The following NFAM1 variants were observed in gnomAD, a reference collection of about 807,000 sequenced individuals.
The protein encoded by NFAM1 is NFAT activating protein with ITAM motif 1.
In NFAM1, 17 loss-of-function variants were observed where a neutral mutation model predicts 29.0. The observed-to-expected ratio is 0.59, with a 90% CI of 0.40 to 0.88. NFAM1 has a LOEUF of 0.88. Among genes scored for constraint, NFAM1 ranks in the 40% least tolerant of loss-of-function variants. NFAM1 has a pLI of 0.00. For missense variants in NFAM1, 324 were observed against 344.6 expected, an observed-to-expected ratio of 0.94 and a Z score of 0.47; for synonymous variants, 175 against 147.2, an observed-to-expected ratio of 1.19 and a Z score of -1.36.
chr22:42,432,390 G>C lies in NFAM1; in HGVS notation c.-33C>G. On this transcript the variant is annotated 5_prime_UTR_variant, in exon 1 of 6. Coordinates refer to ENST00000329021, the MANE Select transcript of NFAM1 (RefSeq NM_145912.8). Reference sequence around the variant, plus strand: ...CCTGCTTGTCTGCGGCGACTCTTTAGTTCACAGGAGGGGACGGCCGGCGCT... The same window carrying C: ...CCTGCTTGTCTGCGGCGACTCTTTACTTCACAGGAGGGGACGGCCGGCGCT... 1 of 1,522,996 alleles carries C rather than the reference G, an allele frequency of 6.6e-7. No homozygotes were observed. Among genetic ancestry groups the C allele is most frequent in the Non-Finnish European group, 8.8e-7 (1 of 1,137,996 alleles). The allele number at this position is 1,522,996 out of a possible 1,614,324, so 94.3% of individuals were successfully genotyped here. A position where few individuals can be genotyped will look rare whatever the true frequency, so the allele number is the denominator to read the frequency against.
At chr22:42,420,004 T>TG (rs1569234737) in intron 1 of NFAM1, among the ~76,000 whole-genome samples, 9 of 132,520 alleles carry the variant, frequency 6.8e-5, no homozygotes, top group Non-Finnish European at 1.1e-4. Context: ...TTTTTTTTTT[T>TG]TTTTTTTTTT....
chr22:42,411,631 T>C lies in NFAM1; in HGVS notation c.227A>G (p.Lys76Arg). ...RITYPYTPQF[K>R]VFTVSYFHED... ...ATGAAAGTAGCTGACTGTGAAAACC[T>C]TGAATTGGGGAGTGTATGGATAGGT... The change falls in exon 2 of 6, where the codon AAG (lysine) becomes AGG (arginine). Residue 76 changes from lysine (K) to arginine (R), a missense_variant. Physicochemically the swap from Lys to Arg is conservative, Grantham distance 26. Coordinates refer to ENST00000329021, the MANE Select transcript of NFAM1 (RefSeq NM_145912.8). The C allele has an allele frequency of 6.2e-7, 1 of 1,614,068 alleles. No individual in the cohort carries two copies. Among genetic ancestry groups the C allele is most frequent in the Non-Finnish European group, 8.5e-7 (1 of 1,179,942 alleles).
chr22:42,382,070 T>G lies in NFAM1; in HGVS notation c.*3091A>C, dbSNP rs1928972762. On this transcript the variant is annotated 3_prime_UTR_variant, in exon 6 of 6. Coordinates refer to ENST00000329021, the MANE Select transcript of NFAM1 (RefSeq NM_145912.8). The stretch of plus-strand genomic sequence containing the variant: ...CACTGAGTAGTGTTTGTTTGTTTGT[T>G]TATTTGGACAGAGCGTGCTCTGTAG... The G allele has an allele frequency of 6.6e-6, 1 of 152,128 alleles. No homozygotes were observed. Among genetic ancestry groups the G allele is most frequent in the Non-Finnish European group, 1.5e-5 (1 of 68,090 alleles). The allele number at this position is 152,128 out of a possible 1,614,324, so 9.4% of individuals were successfully genotyped here.
At chr22:42,416,223 C>G (rs1193863494) in intron 1 of NFAM1, among the ~76,000 whole-genome samples, 1 of 152,104 alleles carries the variant, frequency 6.6e-6, no homozygotes, top group African/African-American at 2.4e-5. Context: ...GTAGTTCCAG[C>G]TACTCAGGAA....
chr22:42,433,228 G>A (rs1260865806), upstream of NFAM1, among the ~76,000 whole-genome samples: 1 of 152,178 alleles, frequency 6.6e-6, no homozygotes, highest in African/African-American at 2.4e-5. Context: ...TGGAGTGGCA[G>A]AGGAAAGGGG....
At position 42,432,257 on chromosome 22, in the gene NFAM1, GGCA is replaced by G. The variant is rs1336019096; in HGVS notation, c.98_100del (p.Leu33del). ...ACTACCTGCCAGTCGCAGGGTCCCG[GGCA>G]GCAGCAGCACGCCAAGGAGGAGCCA... On this transcript the variant is annotated inframe_deletion, in exon 1 of 6. Coordinates refer to ENST00000329021, the MANE Select transcript of NFAM1 (RefSeq NM_145912.8). 3 of 1,572,830 alleles carry G rather than the reference GGCA, an allele frequency of 1.9e-6. No individual in the cohort carries two copies. The highest frequency in any genetic ancestry group is 1.9e-5 in the Admixed American group (1 of 53,562).
chr22:42,393,411 T>G (rs753012400), intron 4 of NFAM1, among the ~76,000 whole-genome samples: 1 of 151,780 alleles, frequency 6.6e-6, no homozygotes, highest in Non-Finnish European at 1.5e-5. Flanking sequence ...TTATTTATTT[T>G]ATTTTTTATT....
At chr22:42,414,583 T>A (rs9607899) in intron 1 of NFAM1, among the ~76,000 whole-genome samples, 47,280 of 150,904 alleles carry the variant, frequency 0.31, 8,932 homozygotes, top group East Asian at 0.53. Flanking sequence ...ATTAAAAAAA[T>A]TTTTTTTTAG....
intron 1 of NFAM1, 143 bp downstream of exon 1, chr22:42,432,094 C>A: frequency 1.3e-6 from 1 of 753,020 alleles, no homozygotes; most frequent in Non-Finnish European, 2.2e-6. Context: ...AGAAGGCTTC[C>A]CCTGTGAAGT....
At chr22:42,402,329 GC>G (rs1387378322) in intron 3 of NFAM1, among the ~76,000 whole-genome samples, 1 of 152,202 alleles carries the variant, frequency 6.6e-6, no homozygotes, top group Non-Finnish European at 1.5e-5. Flanking sequence ...GCATGAGGTG[GC>G]GGCACCCTCA....
rs1016367635 is a variant in NFAM1, at chr22:42,420,003, T to G, written c.122-8267A>C. Reference sequence around the variant, plus strand: ...ATCCCACTCTTGGTTTTTTTTTTTTTTTTTTTTTTTTTTTTTTTTTTTTCT... The same window carrying G: ...ATCCCACTCTTGGTTTTTTTTTTTTGTTTTTTTTTTTTTTTTTTTTTTTCT... On this transcript the variant is annotated intron_variant, in intron 1 of 5. Transcript: ENST00000329021. Among the ~76,000 whole-genome samples the G allele has an allele frequency of 2.9e-3, 388 of 131,624 alleles. 14 individuals carry two copies. The highest frequency in any genetic ancestry group is 0.011 in the African/African-American group (377 of 33,960). The allele number at this position is 131,624 out of a possible 152,430, so 86.4% of individuals were successfully genotyped here.
upstream of NFAM1, chr22:42,436,820 G>T: frequency 5.1e-6 from 1 of 197,582 alleles, no homozygotes; most frequent in Non-Finnish European, 9.1e-6. Flanking sequence ...CGAAGACGCA[G>T]TGGAACAAGG....
At chr22:42,426,986 G>A (rs564434004) in intron 1 of NFAM1, among the ~76,000 whole-genome samples, 10 of 152,202 alleles carry the variant, frequency 6.6e-5, no homozygotes, top group Admixed American at 2.0e-4. Flanking sequence ...CAGGCGGGGG[G>A]GCTCGTGGAG....
Position 42,419,995 on chromosome 22 carries a change from T to G in NFAM1, c.122-8259A>C, listed in dbSNP as rs1463194196. On this transcript the variant is annotated intron_variant, in intron 1 of 5. Transcript: ENST00000329021. This position sits in a 1 kb window ranked among gnomAD's most constrained non-coding sequence, Gnocchi z 4.5. ...AGTCTGTAATCCCACTCTTGGTTTT[T>G]TTTTTTTTTTTTTTTTTTTTTTTTT... Among the ~76,000 whole-genome samples the G allele has an allele frequency of 1.3e-3, 22 of 16,430 alleles. 3 individuals carry two copies. Among genetic ancestry groups the G allele is most frequent in the African/African-American group, 0.012 (17 of 1,456 alleles). The allele number at this position is 16,430 out of a possible 152,430, so 10.8% of individuals were successfully genotyped here. A position where few individuals can be genotyped will look rare whatever the true frequency, so the allele number is the denominator to read the frequency against.
chr22:42,432,544 A>G (rs1601767751), upstream of NFAM1: 8 of 720,288 alleles, frequency 1.1e-5, no homozygotes, highest in East Asian at 2.3e-4. Context: ...AGACTGGTCC[A>G]GGCCACACAA....
chr22:42,403,791 G>A (rs1409692070), intron 3 of NFAM1, among the ~76,000 whole-genome samples: 3 of 152,210 alleles, frequency 2.0e-5, no homozygotes, highest in Non-Finnish European at 2.9e-5. Flanking sequence ...CGAAGAGATG[G>A]AGTAAGCTCA....
At chr22:42,398,423 T>TATTA (rs1929612311) in intron 3 of NFAM1, among the ~76,000 whole-genome samples, 1 of 143,732 alleles carries the variant, frequency 7.0e-6, no homozygotes, top group Non-Finnish European at 1.5e-5. Flanking sequence ...TTATTATTAT[T>TATTA]ATTATTTGAG....
chr22:42,408,122 G>C (rs1379896176), intron 3 of NFAM1, among the ~76,000 whole-genome samples: 3 of 151,948 alleles, frequency 2.0e-5, no homozygotes, highest in Non-Finnish European at 2.9e-5. Context: ...TCGAACTCCT[G>C]ACCTCAAGTG....
At chr22:42,421,931 G>A (rs1260506551) in intron 1 of NFAM1, among the ~76,000 whole-genome samples, 1 of 152,358 alleles carries the variant, frequency 6.6e-6, no homozygotes, top group African/African-American at 2.4e-5. Flanking sequence ...TGCCACAGAT[G>A]AGCAAGCGGG....
Sources: allele counts gnomAD v4.1 joint callset (sites outside exome capture counted in the v4.1 genomes callset), GRCh38; gene constraint gnomAD v4.1.1; non-coding constraint Gnocchi (gnomAD v3.1); transcripts MANE v1.5; gene names NCBI Gene and HGNC (gene_info 2026-07-23, HGNC 2026-07-21).